The following USP36 variants were observed in gnomAD, a reference collection of about 807,000 sequenced individuals.
USP36 encodes the protein ubiquitin carboxyl-terminal hydrolase 36.
In USP36, 59 loss-of-function variants were observed where a neutral mutation model predicts 111.5. The observed-to-expected ratio is 0.53, with a 90% CI of 0.43 to 0.66. The LOEUF (loss-of-function observed/expected upper bound fraction) is 0.66, where lower values mean the gene tolerates loss of function less well. Among genes scored for constraint, USP36 ranks in the 30% least tolerant of loss-of-function variants. USP36 has a pLI of 0.00. For synonymous variants in USP36, 628 were observed against 581.0 expected (o/e 1.08, Z -1.16); for missense variants, 1,488 against 1,468.0 (o/e 1.01, Z -0.22).
chr17:78,801,568 GGCATGCCCC>G lies in USP36; in HGVS notation c.3022+747_3022+755del, dbSNP rs1404918197. On this transcript the variant is annotated intron_variant, in intron 17 of 20. Transcript: ENST00000449938. Reference sequence around the variant, plus strand: ...GTGTTCTGTGGCGGGTGCCTGCCAAGGCATGCCCCAGCCAGCCCTAAAGAAAACAAAACA... The same window carrying G: ...GTGTTCTGTGGCGGGTGCCTGCCAAGAGCCAGCCCTAAAGAAAACAAAACA... 1.7e-3 allele frequency among the ~76,000 whole-genome samples: 257 copies of G among 152,140 alleles called. 1 individual carries two copies. Among genetic ancestry groups the G allele is most frequent in the African/African-American group, 5.6e-3 (233 of 41,500 alleles).
rs550324622 is a variant in USP36, at chr17:78,807,535, G to A, written c.1509C>T (p.Gly503=). The change falls in exon 14 of 21, where the codon GGC becomes GGT. Residue 503 remains glycine, a synonymous_variant. Transcript: ENST00000449938. ...GSTLGLKSQN[G]CIPPKLPSGS... Reference sequence around the variant, plus strand: ...CCGAGGGCAGCTTTGGAGGAATGCAGCCGTTCTGGGACTTCAGGCCCAGGG... The same window carrying A: ...CCGAGGGCAGCTTTGGAGGAATGCAACCGTTCTGGGACTTCAGGCCCAGGG... The A allele has an allele frequency of 1.3e-5, 21 of 1,613,550 alleles. No individual in the cohort carries two copies. Among genetic ancestry groups the A allele is most frequent in the Non-Finnish European group, 1.7e-5 (20 of 1,179,670 alleles).
chr17:78,806,937 GGC>G lies in USP36; in HGVS notation c.2085+20_2085+21del. ...TGGAGCTCTCCTGATACACAGCAGC[GGC>G]GAGACCCCCACACACCCACCTTCTT... is the stretch of plus-strand genomic sequence containing the variant. On this transcript the variant is annotated intron_variant, in intron 14 of 20. Transcript: ENST00000449938. 1.9e-6 allele frequency: 3 copies of G among 1,610,806 alleles called. No individual in the cohort carries two copies.
intron 17 of USP36, 51 bp from the exon 18 acceptor site, chr17:78,799,819 T>C: frequency 7.3e-7 from 1 of 1,363,722 alleles, no homozygotes; most frequent in South Asian, 1.3e-5. Flanking sequence ...AATAACCCAC[T>C]GGGGAAGCAA....
Position 78,803,528 on chromosome 17 carries a change from T to G in USP36, c.2667A>C (p.Glu889Asp), listed in dbSNP as rs1346280400. 1 of 1,613,874 alleles carries G rather than the reference T, an allele frequency of 6.2e-7. No individual in the cohort carries two copies. Among genetic ancestry groups the G allele is most frequent in the Admixed American group, 1.7e-5 (1 of 60,020 alleles). ...QAQLPAVRRQ[E>D]DGTQPQVNGQ... The stretch of plus-strand genomic sequence containing the variant: ...CATTCACCTGTGGCTGTGTGCCATC[T>G]TCCTGCCGTCTGACAGCGGGCAGCT... The change falls in exon 16 of 21, where the codon GAA becomes GAC. Residue 889 changes from glutamate (E) to aspartate (D), a missense_variant. By Grantham distance (45) the Glu-to-Asp change is conservative (BLOSUM62 2). Coordinates refer to ENST00000449938, the MANE Select transcript of USP36 (RefSeq NM_001385174.1). The surrounding 1 kb of genome is among the most constrained non-coding windows in gnomAD (Gnocchi z 4.6).
Position 78,798,865 on chromosome 17 carries a change from C to T in USP36, c.3240+43G>A, listed in dbSNP as rs769202995. On this transcript the variant is annotated intron_variant, in intron 19 of 20. Transcript: ENST00000449938. This position sits in a 1 kb window ranked among gnomAD's most constrained non-coding sequence, Gnocchi z 5.1. The stretch of plus-strand genomic sequence containing the variant: ...GCCCCGGCTCTGAGCTGAGCCACGC[C>T]GCCCTGCTCCCTCAAGCCTGTGGTC... 23 of 1,607,632 alleles carry T rather than the reference C, an allele frequency of 1.4e-5. No homozygotes were observed. The highest frequency in any genetic ancestry group is 8.8e-5 in the South Asian group (8 of 90,916).
chr17:78,836,098 T>C lies in USP36; in HGVS notation c.253+13A>G. 6.2e-7 allele frequency: 1 copy of C among 1,612,114 alleles called. No individual in the cohort carries two copies. Among genetic ancestry groups the C allele is most frequent in the Non-Finnish European group, 8.5e-7 (1 of 1,179,374 alleles). The stretch of plus-strand genomic sequence containing the variant: ...AGTGAGGGCCTCTCTGCCAGCACAC[T>C]GCACATCTGTACCCTGTCTCCTGGC... On this transcript the variant is annotated intron_variant, in intron 3 of 20. Coordinates refer to ENST00000449938, the MANE Select transcript of USP36 (RefSeq NM_001385174.1).
chr17:78,815,612 A>G (rs2094159370), intron 10 of USP36, among the ~76,000 whole-genome samples: 1 of 152,238 alleles, frequency 6.6e-6, no homozygotes, highest in Non-Finnish European at 1.5e-5. Flanking sequence ...TGCTGAATTA[A>G]TATAGCCAAC....
rs1309964496 is a variant in USP36, at chr17:78,836,311, G to A, written c.53C>T (p.Ser18Leu). The A allele has an allele frequency of 2.0e-5, 32 of 1,614,118 alleles. No individual in the cohort carries two copies. Among genetic ancestry groups the A allele is most frequent in the African/African-American group, 5.3e-5 (4 of 75,038 alleles). ...CTTCCCCAGTTCTCCATCATCAGCC[G>A]AGTCCTTGCGGCCGGGTTTCAGGGC... is the stretch of plus-strand genomic sequence containing the variant. ...KEALKPGRKDSADDGELGKLL... is the reference protein window; with the variant it reads ...KEALKPGRKDLADDGELGKLL... Residue 18 changes from serine to leucine, a missense_variant, in exon 3 of 21, where the codon TCG (serine) becomes TTG (leucine). This residue lies in a region of USP36 where 219 missense variants were observed against 209.5 expected (regional missense o/e 1.05). Transcript: ENST00000449938.
chr17:78,814,936 C>T (rs185151472), intron 10 of USP36, among the ~76,000 whole-genome samples: 43 of 151,874 alleles, frequency 2.8e-4, no homozygotes, highest in African/African-American at 1.0e-3. Flanking sequence ...GGCGACAGAG[C>T]GAGACTGTCT....
At chr17:78,794,729 C>G (rs888041597), downstream of USP36, among the ~76,000 whole-genome samples, 1 of 152,134 alleles carries the variant, frequency 6.6e-6, no homozygotes, top group African/African-American at 2.4e-5. Flanking sequence ...GGAGATCAGC[C>G]AGGCGCAGTG....
chr17:78,815,159 T>C (rs1003711756), intron 10 of USP36, among the ~76,000 whole-genome samples: 2 of 151,868 alleles, frequency 1.3e-5, no homozygotes, highest in South Asian at 2.1e-4. Context: ...TGGCGAAACC[T>C]TGTCTCTACT....
rs9893633 is a variant in USP36, at chr17:78,818,537, G to A, written c.1023+130C>T. The stretch of plus-strand genomic sequence containing the variant: ...CAGTCCCTACTTCACAATATGTGTA[G>A]AACCTTTAGAACAGGGACAGGTACT... On this transcript the variant is annotated intron_variant, in intron 10 of 20. Transcript: ENST00000449938. 17 of 768,554 alleles carry A rather than the reference G, an allele frequency of 2.2e-5. 1 individual carries two copies. In the South Asian group the frequency reaches 2.9e-4, roughly 13 times the overall value. 47.6% of individuals were successfully genotyped at this position (768,554 alleles called of 1,614,324 possible). A position where few individuals can be genotyped will look rare whatever the true frequency, so the allele number is the denominator to read the frequency against.
Position 78,820,091 on chromosome 17 carries a change from T to C in USP36, c.829-79A>G, listed in dbSNP as rs895104132. ...TCAAGAAATGCCAAATTTAAGGTCTTTTTTAGGCTGAGGCAGCAAATCACA... is the reference window on the plus strand; with the variant it reads ...TCAAGAAATGCCAAATTTAAGGTCTCTTTTAGGCTGAGGCAGCAAATCACA... On this transcript the variant is annotated intron_variant, in intron 8 of 20. Coordinates refer to ENST00000449938, the MANE Select transcript of USP36 (RefSeq NM_001385174.1). 77 of 1,484,184 alleles carry C rather than the reference T, an allele frequency of 5.2e-5. No individual in the cohort carries two copies. The African/African-American group carries it at 9.6e-4, about 19-fold the overall frequency. The allele number at this position is 1,484,184 out of a possible 1,614,324, so 91.9% of individuals were successfully genotyped here.
chr17:78,828,767 G>T lies in USP36; in HGVS notation c.586+130C>A, dbSNP rs372863390. On this transcript the variant is annotated intron_variant, in intron 5 of 20. Coordinates refer to ENST00000449938, the MANE Select transcript of USP36 (RefSeq NM_001385174.1). ...TGTCTGTAATCCCAACACTTTGGCA[G>T]GCCAAAACGGAAGGACTGCTTAAGG... is the stretch of plus-strand genomic sequence containing the variant. The T allele has an allele frequency of 3.4e-5, 30 of 875,040 alleles. 4 individuals are homozygous for T. The highest frequency in any genetic ancestry group is 8.2e-5 in the East Asian group (3 of 36,674). The allele number at this position is 875,040 out of a possible 1,614,324, so 54.2% of individuals were successfully genotyped here. A position where few individuals can be genotyped will look rare whatever the true frequency, so the allele number is the denominator to read the frequency against.
chr17:78,832,609 G>A (rs916135984), intron 4 of USP36, among the ~76,000 whole-genome samples: 3 of 152,198 alleles, frequency 2.0e-5, no homozygotes, highest in Non-Finnish European at 4.4e-5. Context: ...ATATTATCTA[G>A]TTTTAACTAA....
At chr17:78,838,371 C>CAAAA (rs1195525371) in intron 2 of USP36, among the ~76,000 whole-genome samples, 1,988 of 58,404 alleles carry the variant, frequency 0.034, 96 homozygotes, top group African/African-American at 0.11. Context: ...GACTTGGTCT[C>CAAAA]AAAAAAAAAA....
At chr17:78,829,400 A>G (rs1275262242) in intron 4 of USP36, among the ~76,000 whole-genome samples, 1 of 152,222 alleles carries the variant, frequency 6.6e-6, no homozygotes, top group Admixed American at 6.5e-5. Context: ...GCTGCATCAC[A>G]TGGTAAATAG....
chr17:78,806,104 C>G (rs1241295261), intron 15 of USP36, 52 bp downstream of exon 15: 38 of 1,609,584 alleles, frequency 2.4e-5, no homozygotes, highest in Non-Finnish European at 3.2e-5. Context: ...CAAGCACACG[C>G]AACCACAGGG....
rs375796805 is a variant in USP36 at position 78,802,241 on chromosome 17, C to T, written c.3022+83G>A. Reference sequence around the variant, plus strand: ...ACGCCCATGCGGTCCCCCAACCCCTCGCCCGGTGCACACCCATGCGGTCCC... The same window carrying T: ...ACGCCCATGCGGTCCCCCAACCCCTTGCCCGGTGCACACCCATGCGGTCCC... On this transcript the variant is annotated intron_variant, in intron 17 of 20. Coordinates refer to ENST00000449938, the MANE Select transcript of USP36 (RefSeq NM_001385174.1). 6.8e-5 allele frequency: 95 copies of T among 1,393,692 alleles called. 4 individuals carry two copies. The highest frequency in any genetic ancestry group is 2.6e-4 in the Middle Eastern group (1 of 3,794). The allele number at this position is 1,393,692 out of a possible 1,614,324, so 86.3% of individuals were successfully genotyped here.
Sources: allele counts gnomAD v4.1 joint callset (sites outside exome capture counted in the v4.1 genomes callset), GRCh38; gene constraint gnomAD v4.1.1; regional missense constraint gnomAD v4.1.1; non-coding constraint Gnocchi (gnomAD v3.1); transcripts MANE v1.5; gene names NCBI Gene and HGNC (gene_info 2026-07-23, HGNC 2026-07-21).